The following ARHGAP9 variants were observed in gnomAD, a reference collection of about 807,000 sequenced individuals.
ARHGAP9 encodes the protein rho GTPase-activating protein 9.
A neutral mutation model predicts 87.3 loss-of-function variants in ARHGAP9; 76 were observed. That is an observed-to-expected ratio of 0.87 (90% CI 0.72 to 1.05). ARHGAP9 has a LOEUF of 1.05. Among genes scored for constraint, ARHGAP9 ranks in the 50% least tolerant of loss-of-function variants. The pLI, the probability that ARHGAP9 is intolerant of heterozygous loss-of-function variation, is 0.00. For missense variants in ARHGAP9, 941 were observed against 960.5 expected, an observed-to-expected ratio of 0.98 and a Z score of 0.27; for synonymous variants, 382 against 394.9, an observed-to-expected ratio of 0.97 and a Z score of 0.39.
Position 57,474,143 on chromosome 12 carries a change from T to C in ARHGAP9, c.1817A>G (p.Asp606Gly), listed in dbSNP as rs1872755138. ...GGCTCCGGTGACCACATGAATGTCATCCCACTCAGTACTGTCCAAATCTAA... is the reference window on the plus strand; with the variant it reads ...GGCTCCGGTGACCACATGAATGTCACCCCACTCAGTACTGTCCAAATCTAA... Reference protein sequence around the residue: ...GRLDLDSTEWDDIHVVTGALK... With the variant: ...GRLDLDSTEWGDIHVVTGALK... Residue 606 changes from aspartate (D) to glycine (G), a missense_variant, in exon 16 of 18, where the codon GAT (aspartate) becomes GGT (glycine). Physicochemically the swap from Asp to Gly is moderately conservative, Grantham distance 94. Coordinates refer to ENST00000393791, the MANE Select transcript of ARHGAP9 (RefSeq NM_032496.4). 1.2e-6 allele frequency: 2 copies of C among 1,614,132 alleles called. No individual in the cohort carries two copies. Among genetic ancestry groups the C allele is most frequent in the Non-Finnish European group, 1.7e-6 (2 of 1,180,012 alleles).
rs1205871485 is a variant in ARHGAP9, at chr12:57,476,963, C to A, written c.871G>T (p.Gly291Cys). 1.2e-6 allele frequency: 2 copies of A among 1,612,022 alleles called. No individual in the cohort carries two copies. The highest frequency in any genetic ancestry group is 1.7e-6 in the Non-Finnish European group (2 of 1,179,696). Residue 291 changes from glycine to cysteine, a missense_variant and splice_region_variant, in exon 6 of 18, where the codon GGT (glycine) becomes TGT (cysteine). By Grantham distance (159) the Gly-to-Cys change is radical (BLOSUM62 -3). Coordinates refer to ENST00000393791, the MANE Select transcript of ARHGAP9 (RefSeq NM_032496.4). ...TGTPEPLDPQ[G>C]SLSLSQRTSQ... ...GTGCGTTGGCTGAGGCTGAGTGAAC[C>A]CTAGGGGAGAGGATTGGAGAAACAG...
rs1872773371 is a variant in ARHGAP9 at position 57,474,204 on chromosome 12, C to T, written c.1784-28G>A. The T allele has an allele frequency of 1.9e-6, 3 of 1,600,668 alleles. No individual in the cohort carries two copies. The African/African-American group carries it at 4.0e-5, about 22-fold the overall frequency. On this transcript the variant is annotated intron_variant, in intron 15 of 17. Transcript: ENST00000393791. ...GGAGGGAGAAGGAGGTATAGGGGCT[C>T]ATGAAGGGCCAGAAAGATTTAGAGA...
At chr12:57,479,042 G>T in intron 2 of ARHGAP9, 49 bp downstream of exon 2, 1 of 1,585,886 alleles carries the variant, frequency 6.3e-7, no homozygotes, top group Non-Finnish European at 8.6e-7. Context: ...GAGGTAGGAA[G>T]GTGATGGGAG....
At chr12:57,482,535 T>G (rs1007178796), upstream of ARHGAP9, among the ~76,000 whole-genome samples, 2 of 152,036 alleles carry the variant, frequency 1.3e-5, no homozygotes, top group African/African-American at 4.8e-5. Flanking sequence ...CCACCGCGCC[T>G]GGCCAAAAAT....
rs190021861 is a variant in ARHGAP9 at position 57,479,224 on chromosome 12, C to A, written c.183G>T (p.Trp61Cys). ...GAGCTTCTAGGCGTCTTGCCAACCA[C>A]CAGTCGGAGTTGGTCTTTCGAAGCA... Reference protein sequence around the residue: ...FLLLRKTNSDWWLARRLEAPS... With the variant: ...FLLLRKTNSDCWLARRLEAPS... Residue 61 changes from tryptophan to cysteine, a missense_variant, in exon 2 of 18, where the codon TGG (tryptophan) becomes TGT (cysteine). Coordinates refer to ENST00000393791, the MANE Select transcript of ARHGAP9 (RefSeq NM_032496.4). The A allele has an allele frequency of 2.0e-5, 33 of 1,614,200 alleles. No individual in the cohort carries two copies.
chr12:57,474,572 T>A, intron 14 of ARHGAP9, 54 bp downstream of exon 14: 4 of 1,613,112 alleles, frequency 2.5e-6, no homozygotes, highest in Non-Finnish European at 3.4e-6. Context: ...GGACCGCCCA[T>A]GGTTCTCAGG....
rs761698560 is a variant in ARHGAP9 at position 57,474,712 on chromosome 12, T to G, written c.1652-9A>C. ...GCCATCCACATCTAGACCTGGGAGA[T>G]GAGGAAGGAGTAGATAAGGACTGCT... On this transcript the variant is annotated splice_polypyrimidine_tract_variant and intron_variant, in intron 13 of 17. Transcript: ENST00000393791. 19 of 1,613,858 alleles carry G rather than the reference T, an allele frequency of 1.2e-5. No individual in the cohort carries two copies. In the African/African-American group the frequency reaches 1.5e-4, roughly 12 times the overall value.
In ARHGAP9 at chr12:57,477,198, G is replaced by T. The variant is rs776434759; in HGVS notation, c.828C>A (p.Gly276=). The T allele has an allele frequency of 5.6e-6, 9 of 1,611,030 alleles. No homozygotes were observed. The South Asian group carries it at 9.9e-5, about 18-fold the overall frequency. ...CTGGGGTCCCTGTGTCAGATCTGAA[G>T]CCCTTTGCCTGAGGTTGCAGGACAT... is the stretch of plus-strand genomic sequence containing the variant. ...NNDVLQPQAK[G]FRSDTGTPEP... Residue 276 remains glycine (G), a synonymous_variant, in exon 5 of 18, where the codon GGC becomes GGA. Transcript: ENST00000393791.
At chr12:57,476,816 G>C in intron 6 of ARHGAP9, 55 bp downstream of exon 6, 1 of 1,527,464 alleles carries the variant, frequency 6.5e-7, no homozygotes, top group Non-Finnish European at 9.1e-7. Context: ...AGCAGGAAAA[G>C]GGGGGAGGGG....
rs545453716 is a variant in ARHGAP9, at chr12:57,474,755, G to C, written c.1652-52C>G. 4.9e-5 allele frequency: 79 copies of C among 1,609,660 alleles called. No individual in the cohort carries two copies. The East Asian group carries it at 1.7e-3, about 34-fold the overall frequency. ...GGACTGCTGCTTGAAAGTGTGTGTG[G>C]TGAGGGATATAAGGGTGGAGAGAAA... On this transcript the variant is annotated intron_variant, in intron 13 of 17. Coordinates refer to ENST00000393791, the MANE Select transcript of ARHGAP9 (RefSeq NM_032496.4).
At chr12:57,479,538 A>C in intron 1 of ARHGAP9, 114 bp from the exon 2 acceptor site, 1 of 1,491,892 alleles carries the variant, frequency 6.7e-7, no homozygotes, top group Non-Finnish European at 8.9e-7. Context: ...GGAGCCCTTG[A>C]GTTGGGGGAG....
Position 57,474,920 on chromosome 12 carries a change from C to G in ARHGAP9, c.1606G>C (p.Val536Leu). Residue 536 changes from valine to leucine, a missense_variant, in exon 13 of 18, where the codon GTG becomes CTG. Transcript: ENST00000393791. The part of the protein sequence containing the change: ...ESLCQREGDT[V>L]PSFLRLCIAA... ...ATGCAGAGCCGCAAAAAGCTGGGCACCGTGTCTCCTTCCCGCTGGCAGAGT... is the reference window on the plus strand; with the variant it reads ...ATGCAGAGCCGCAAAAAGCTGGGCAGCGTGTCTCCTTCCCGCTGGCAGAGT... 1 of 1,614,200 alleles carries G rather than the reference C, an allele frequency of 6.2e-7. No individual in the cohort carries two copies. The highest frequency in any genetic ancestry group is 8.5e-7 in the Non-Finnish European group (1 of 1,180,044).
rs1248512478 is a variant in ARHGAP9, at chr12:57,479,071, A to G, written c.316+20T>C. 6.2e-7 allele frequency: 1 copy of G among 1,609,438 alleles called. No individual in the cohort carries two copies. Among genetic ancestry groups the G allele is most frequent in the Non-Finnish European group, 8.5e-7 (1 of 1,176,392 alleles). ...ATGGGAGGTAGGAAGGTGAAGGGAG[A>G]GGGCTTAGCGCTTACTCACCAGGAG... is the stretch of plus-strand genomic sequence containing the variant. On this transcript the variant is annotated intron_variant, in intron 2 of 17. Transcript: ENST00000393791.
chr12:57,473,745 T>C, intron 16 of ARHGAP9, 37 bp from the exon 17 acceptor site: 1 of 1,575,002 alleles, frequency 6.3e-7, no homozygotes, highest in Non-Finnish European at 8.7e-7. Flanking sequence ...GTAGTAAGGT[T>C]AGGGAAGGTG....
rs1362834642 is a variant in ARHGAP9, at chr12:57,474,189, G to A, written c.1784-13C>T. On this transcript the variant is annotated splice_polypyrimidine_tract_variant and intron_variant, in intron 15 of 17. Coordinates refer to ENST00000393791, the MANE Select transcript of ARHGAP9 (RefSeq NM_032496.4). ...TCTAACCGACCTTCTGGAGGGAGAAGGAGGTATAGGGGCTCATGAAGGGCC... is the reference window on the plus strand; with the variant it reads ...TCTAACCGACCTTCTGGAGGGAGAAAGAGGTATAGGGGCTCATGAAGGGCC... 2 of 1,608,454 alleles carry A rather than the reference G, an allele frequency of 1.2e-6. No homozygotes were observed. The highest frequency in any genetic ancestry group is 1.7e-6 in the Non-Finnish European group (2 of 1,176,442).
intron 1 of ARHGAP9, chr12:57,488,411 C>A: frequency 1.3e-6 from 1 of 754,140 alleles, no homozygotes; most frequent in Non-Finnish European, 2.1e-6. Flanking sequence ...CTTCCCTTAT[C>A]TCTCTCCTCC....
exon 1 of ARHGAP9, chr12:57,488,759 G>A (rs1199676766): frequency 6.0e-6 from 7 of 1,165,808 alleles, no homozygotes; most frequent in Non-Finnish European, 8.7e-6. Flanking sequence ...GTTCTTGGCT[G>A]CAGCACTATC....
chr12:57,485,666 T>G (rs1617196), intron 1 of ARHGAP9, among the ~76,000 whole-genome samples: 1 of 151,914 alleles, frequency 6.6e-6, no homozygotes, highest in South Asian at 2.1e-4. Context: ...AGGCATAAGT[T>G]ACTGGGCCTG....
At position 57,473,657 on chromosome 12, in the gene ARHGAP9, G is replaced by A. The variant is rs763329828; in HGVS notation, c.1970C>T (p.Ser657Leu). ...AGTGTCATGGTTGGGCTTTGGCATTGAGCCTATTAATTCTTGTATCTGAGA... is the reference window on the plus strand; with the variant it reads ...AGTGTCATGGTTGGGCTTTGGCATTAAGCCTATTAATTCTTGTATCTGAGA... Reference protein sequence around the residue: ...CLSQIQELIGSMPKPNHDTLR... With the variant: ...CLSQIQELIGLMPKPNHDTLR... The change falls in exon 17 of 18, where the codon TCA (serine) becomes TTA (leucine). Residue 657 changes from serine (S) to leucine (L), a missense_variant. Physicochemically the swap from Ser to Leu is moderately radical, Grantham distance 145. Transcript: ENST00000393791. 1.2e-6 allele frequency: 2 copies of A among 1,613,952 alleles called. No individual in the cohort carries two copies. Among genetic ancestry groups the A allele is most frequent in the Admixed American group, 1.7e-5 (1 of 60,004 alleles).
Sources: gnomAD v4.1 joint callset for allele counts (sites outside exome capture counted in the v4.1 genomes callset) on GRCh38, gnomAD v4.1.1 for gene constraint, MANE v1.5 for transcripts, NCBI Gene and HGNC (gene_info 2026-07-23, HGNC 2026-07-21) for gene names.